Variants in SIRT1 observed in about 807,000 individuals in gnomAD.
The protein encoded by SIRT1 is sirtuin 1.
A neutral mutation model predicts 67.9 loss-of-function variants in SIRT1; 24 were observed. The observed-to-expected ratio is 0.35, with a 90% CI of 0.26 to 0.50. The LOEUF (loss-of-function observed/expected upper bound fraction) is 0.50. Among genes scored for constraint, SIRT1 ranks in the 20% least tolerant of loss-of-function variants. The probability of loss-of-function intolerance (pLI) is 0.98; values close to 1 mark genes in which losing one functional copy is unlikely to be tolerated. For synonymous variants in SIRT1, 378 were observed against 350.7 expected (o/e 1.08, Z -0.87); for missense variants, 873 against 937.2 (o/e 0.93, Z 0.89).
At position 67,909,439 on chromosome 10, in the gene SIRT1, C is replaced by A; in HGVS notation, c.1354C>A (p.Pro452Thr). 6.2e-7 allele frequency: 1 copy of A among 1,600,448 alleles called. No homozygotes were observed. The highest frequency in any genetic ancestry group is 8.5e-7 in the Non-Finnish European group (1 of 1,176,074). Reference sequence around the variant, plus strand: ...CAAAGTAAGACCAGTAGCACTAATTCCAAGTAAGTTGGTGATGGTTTTTGG... The same window carrying A: ...CAAAGTAAGACCAGTAGCACTAATTACAAGTAAGTTGGTGATGGTTTTTGG... ...SLKVRPVALIPSSIPHEVPQI... is the reference protein window; with the variant it reads ...SLKVRPVALITSSIPHEVPQI... Residue 452 changes from proline (P) to threonine (T), a missense_variant, in exon 7 of 9, where the codon CCA (proline) becomes ACA (threonine). Coordinates refer to ENST00000212015, the MANE Select transcript of SIRT1 (RefSeq NM_012238.5).
intron 4 of SIRT1, among the ~76,000 whole-genome samples, chr10:67,893,537 C>T (rs1842606186): frequency 6.7e-6 from 1 of 149,446 alleles, no homozygotes; most frequent in African/African-American, 2.5e-5. Flanking sequence ...GTTAATGAAC[C>T]TAGCTTTTTT....
chr10:67,892,433 C>T (rs959671946), intron 4 of SIRT1, among the ~76,000 whole-genome samples: 3 of 151,920 alleles, frequency 2.0e-5, no homozygotes, highest in Admixed American at 6.6e-5. Context: ...ATTTGCTGAG[C>T]ATGGTGGTGT....
At chr10:67,896,414 G>T (rs1842658876) in intron 4 of SIRT1, among the ~76,000 whole-genome samples, 1 of 152,204 alleles carries the variant, frequency 6.6e-6, no homozygotes, top group African/African-American at 2.4e-5. Context: ...AGAGTGTCGG[G>T]ATTGTAGGCA....
chr10:67,909,426 A>G lies in SIRT1; in HGVS notation c.1341A>G (p.Pro447=). The G allele has an allele frequency of 6.2e-7, 1 of 1,605,652 alleles. No homozygotes were observed. The highest frequency in any genetic ancestry group is 8.5e-7 in the Non-Finnish European group (1 of 1,177,840). ...IVIGSSLKVR[P]VALIPSSIPH... is the part of the protein sequence containing the mutation. The stretch of plus-strand genomic sequence containing the variant: ...TTGGGTCTTCCCTCAAAGTAAGACC[A>G]GTAGCACTAATTCCAAGTAAGTTGG... The change falls in exon 7 of 9, where the codon CCA becomes CCG. Residue 447 remains proline, a synonymous_variant. Transcript: ENST00000212015.
At chr10:67,910,224 A>G (rs952377780) in intron 7 of SIRT1, among the ~76,000 whole-genome samples, 2 of 152,044 alleles carry the variant, frequency 1.3e-5, no homozygotes, top group Non-Finnish European at 2.9e-5. Flanking sequence ...AAAATACAAA[A>G]ATTAGCTGGG....
intron 8 of SIRT1, among the ~76,000 whole-genome samples, chr10:67,915,066 G>A (rs2029875261): frequency 1.3e-5 from 2 of 152,126 alleles, no homozygotes; most frequent in Admixed American, 1.3e-4. Context: ...TGTGTCTGTT[G>A]TAATAGAGGG....
rs61666042 is a variant in SIRT1 at position 67,916,790 on chromosome 10, C to CTTT, written c.*207_*209dup. On this transcript the variant is annotated 3_prime_UTR_variant, in exon 9 of 9. Coordinates refer to ENST00000212015, the MANE Select transcript of SIRT1 (RefSeq NM_012238.5). ...TGTACTTGTACAAACTCAACACTAA[C>CTTT]TTTTTTTTTTTTAAAAAAAAAAAGG... 40 of 273,928 alleles carry CTTT rather than the reference C, an allele frequency of 1.5e-4. No homozygotes were observed. The highest frequency in any genetic ancestry group is 2.2e-4 in the Non-Finnish European group (32 of 148,340). The allele number at this position is 273,928 out of a possible 1,614,324, so 17.0% of individuals were successfully genotyped here.
Position 67,890,264 on chromosome 10 carries a change from C to A in SIRT1, c.790-1138C>A, listed in dbSNP as rs560070636. Among the ~76,000 whole-genome samples, 4 of 152,276 alleles carry A rather than the reference C, an allele frequency of 2.6e-5. No individual in the cohort carries two copies. In the South Asian group the frequency reaches 8.3e-4, roughly 32 times the overall value. ...AGAGATGGGGTTTCACCATATTGGCCAGGCTGGTCTGAAACTCCTGACCTT... is the reference window on the plus strand; with the variant it reads ...AGAGATGGGGTTTCACCATATTGGCAAGGCTGGTCTGAAACTCCTGACCTT... On this transcript the variant is annotated intron_variant, in intron 3 of 8. Coordinates refer to ENST00000212015, the MANE Select transcript of SIRT1 (RefSeq NM_012238.5).
In SIRT1 at chr10:67,915,395, C is replaced by A. The variant is rs184286695; in HGVS notation, c.1916-870C>A. Reference sequence around the variant, plus strand: ...TAGGGATCCTACTCTTTCACTTAAACCCCAAATGGCCAAGCTAGGATTGAT... The same window carrying A: ...TAGGGATCCTACTCTTTCACTTAAAACCCAAATGGCCAAGCTAGGATTGAT... On this transcript the variant is annotated intron_variant, in intron 8 of 8. Coordinates refer to ENST00000212015, the MANE Select transcript of SIRT1 (RefSeq NM_012238.5). Among the ~76,000 whole-genome samples the A allele has an allele frequency of 5.3e-5, 8 of 152,298 alleles. No homozygotes were observed. The East Asian group carries it at 1.5e-3, about 29-fold the overall frequency.
In SIRT1 at chr10:67,889,002, T is replaced by G. The variant is rs769519031; in HGVS notation, c.668T>G (p.Ile223Ser). 6.2e-7 allele frequency: 1 copy of G among 1,613,924 alleles called. No homozygotes were observed. The highest frequency in any genetic ancestry group is 8.5e-7 in the Non-Finnish European group (1 of 1,179,952). The change falls in exon 3 of 9, where the codon ATT becomes AGT. Residue 223 changes from isoleucine to serine, a missense_variant. Coordinates refer to ENST00000212015, the MANE Select transcript of SIRT1 (RefSeq NM_012238.5). Reference sequence around the variant, plus strand: ...TTGGATGATATGACACTGTGGCAGATTGTTATTAATATCCTTTCAGAACCA... The same window carrying G: ...TTGGATGATATGACACTGTGGCAGAGTGTTATTAATATCCTTTCAGAACCA... ...PELDDMTLWQIVINILSEPPK... is the reference protein window; with the variant it reads ...PELDDMTLWQSVINILSEPPK...
intron 4 of SIRT1, among the ~76,000 whole-genome samples, chr10:67,891,892 G>A (rs1842579868): frequency 6.6e-6 from 1 of 152,172 alleles, no homozygotes; most frequent in African/African-American, 2.4e-5. Context: ...ATTAGAGATT[G>A]TAAAGGTTAT....
chr10:67,891,680 A>G lies in SIRT1; in HGVS notation c.942+126A>G, dbSNP rs915717557. ...GTGAATGCTGCTACTGTGGCGGAGT[A>G]AGATCACTCATTATGGCTAGAATTC... is the stretch of plus-strand genomic sequence containing the variant. On this transcript the variant is annotated intron_variant, in intron 4 of 8. Transcript: ENST00000212015. 7.9e-6 allele frequency: 7 copies of G among 887,052 alleles called. No individual in the cohort carries two copies. In the African/African-American group the frequency reaches 1.2e-4, roughly 15 times the overall value. 54.9% of individuals were successfully genotyped at this position (887,052 alleles called of 1,614,324 possible).
rs768051584 is a variant in SIRT1, at chr10:67,909,395, T to C, written c.1310T>C (p.Ile437Thr). ...KYDKDEVDLL[I>T]VIGSSLKVRP... is the part of the protein sequence containing the mutation. ...GACAAAGATGAAGTTGACCTCCTCA[T>C]TGTTATTGGGTCTTCCCTCAAAGTA... Residue 437 changes from isoleucine to threonine, a missense_variant, in exon 7 of 9, where the codon ATT (isoleucine) becomes ACT (threonine). Coordinates refer to ENST00000212015, the MANE Select transcript of SIRT1 (RefSeq NM_012238.5). The C allele has an allele frequency of 6.2e-7, 1 of 1,613,456 alleles. No individual in the cohort carries two copies. Among genetic ancestry groups the C allele is most frequent in the Non-Finnish European group, 8.5e-7 (1 of 1,179,872 alleles).
At position 67,884,888 on chromosome 10, in the gene SIRT1, C is replaced by G. The variant is rs1440092527; in HGVS notation, c.167C>G (p.Pro56Arg). 8.2e-7 allele frequency: 1 copy of G among 1,218,062 alleles called. No homozygotes were observed. The highest frequency in any genetic ancestry group is 1.0e-6 in the Non-Finnish European group (1 of 979,292). 75.5% of individuals were successfully genotyped at this position (1,218,062 alleles called of 1,614,324 possible). A position where few individuals can be genotyped will look rare whatever the true frequency, so the allele number is the denominator to read the frequency against. ...CCGGGCGAGCCCGGTGGGGCGGCCC[C>G]AGAGCGTGAGGTGCCGGCGGCGGCC... is the stretch of plus-strand genomic sequence containing the variant. ...RSPGEPGGAA[P>R]EREVPAAARG... The change falls in exon 1 of 9, where the codon CCA becomes CGA. Residue 56 changes from proline (P) to arginine (R), a missense_variant. This residue lies in a region of SIRT1 where 327 missense variants were observed against 283.9 expected (regional missense o/e 1.15). Coordinates refer to ENST00000212015, the MANE Select transcript of SIRT1 (RefSeq NM_012238.5).
chr10:67,895,733 G>GTTTTTTTTTTTTTT lies in SIRT1; in HGVS notation c.942+4180_942+4193dup, dbSNP rs1297235964. ...GTATGTGATTATTGAGAATTAACTT[G>GTTTTTTTTTTTTTT]TTTTTTTTTTTTTTGTTTTTTTTTT... On this transcript the variant is annotated intron_variant, in intron 4 of 8. Transcript: ENST00000212015. Among the ~76,000 whole-genome samples the GTTTTTTTTTTTTTT allele has an allele frequency of 3.0e-4, 13 of 42,724 alleles. 1 individual carries two copies. Among genetic ancestry groups the GTTTTTTTTTTTTTT allele is most frequent in the Non-Finnish European group, 3.8e-4 (9 of 23,412 alleles). 28.0% of individuals were successfully genotyped at this position (42,724 alleles called of 152,430 possible).
intron 1 of SIRT1, 193 bp downstream of exon 1, chr10:67,885,344 T>C (rs1298276087): frequency 1.6e-6 from 2 of 1,236,768 alleles, no homozygotes; most frequent in Non-Finnish European, 2.0e-6. Context: ...GTGGATTCGC[T>C]CTTTTCCTCC....
At chr10:67,885,919 G>A in intron 1 of SIRT1, among the ~76,000 whole-genome samples, 1 of 146,118 alleles carries the variant, frequency 6.8e-6, no homozygotes, top group African/African-American at 2.5e-5. Flanking sequence ...ATATGTTGCA[G>A]TTGTCATGTT....
intron 4 of SIRT1, among the ~76,000 whole-genome samples, chr10:67,891,763 A>G (rs1432474922): frequency 1.3e-5 from 2 of 152,304 alleles, no homozygotes; most frequent in African/African-American, 4.8e-5. Context: ...CTTATTTTCA[A>G]AGAGATAGTT....
chr10:67,886,753 G>A (rs1307032396), intron 1 of SIRT1, among the ~76,000 whole-genome samples: 1 of 151,898 alleles, frequency 6.6e-6, no homozygotes, highest in Admixed American at 6.6e-5. Flanking sequence ...GCATTGCCAA[G>A]GTTATATTTG....
Sources: gnomAD v4.1 joint callset for allele counts (sites outside exome capture counted in the v4.1 genomes callset) on GRCh38, gnomAD v4.1.1 for gene constraint, gnomAD v4.1.1 regional missense constraint, MANE v1.5 for transcripts, NCBI Gene and HGNC (gene_info 2026-07-23, HGNC 2026-07-21) for gene names.